MAP3K7CL: variants seen among roughly 807,000 people sequenced by gnomAD.
MAP3K7CL encodes MAP3K7 C-terminal like.
MAP3K7CL carries 16 observed loss-of-function variants against 18.6 expected under a neutral mutation model. That is an observed-to-expected ratio of 0.86 (90% CI 0.58 to 1.31). MAP3K7CL has a LOEUF of 1.31. Among genes scored for constraint, MAP3K7CL ranks in the 50% most tolerant of loss-of-function variants. MAP3K7CL has a pLI of 0.00. For synonymous variants in MAP3K7CL, 65 were observed against 66.8 expected, an observed-to-expected ratio of 0.97 and a Z score of 0.13; for missense variants, 163 against 174.4, an observed-to-expected ratio of 0.93 and a Z score of 0.37.
rs1463039736 is a variant in MAP3K7CL at position 29,121,047 on chromosome 21, C to G, written c.371-28142C>G. 3.5e-5 allele frequency among the ~76,000 whole-genome samples: 2 copies of G among 57,958 alleles called. 1 individual carries two copies. The highest frequency in any genetic ancestry group is 1.8e-3 in the East Asian group (2 of 1,114). 38.0% of individuals were successfully genotyped at this position (57,958 alleles called of 152,430 possible). ...TGCCACTGTACTTCAGCCTGGGCAA[C>G]AGAGTCAGATATATATATATAGTGT... On this transcript the variant is annotated intron_variant, in intron 4 of 6. Transcript: ENST00000286791.
intron 4 of MAP3K7CL, among the ~76,000 whole-genome samples, chr21:29,164,654 T>C (rs1003090063): frequency 2.6e-5 from 4 of 152,240 alleles, no homozygotes; most frequent in African/African-American, 9.6e-5. Context: ...AAACATTTTC[T>C]AGGATTATAA....
At chr21:29,130,343 C>T (rs2832203), upstream of MAP3K7CL, 26,604 of 152,354 alleles carry the variant, frequency 0.17, 2,689 homozygotes, top group South Asian at 0.23. Flanking sequence ...AGGATCCTCG[C>T]TGCTATCATC....
chr21:29,153,133 G>T (rs2087316403), intron 3 of MAP3K7CL, among the ~76,000 whole-genome samples: 1 of 152,214 alleles, frequency 6.6e-6, no homozygotes, highest in South Asian at 2.1e-4. Flanking sequence ...AAAGCCTTGT[G>T]CAAGAATAGC....
intron 4 of MAP3K7CL, among the ~76,000 whole-genome samples, chr21:29,100,785 T>C (rs919630196): frequency 1.5e-5 from 2 of 134,604 alleles, no homozygotes; most frequent in Non-Finnish European, 3.1e-5. Flanking sequence ...CGATCTCGGC[T>C]CACTGCAAGC....
At chr21:29,125,642 G>A (rs1333002922) in intron 4 of MAP3K7CL, among the ~76,000 whole-genome samples, 4 of 152,186 alleles carry the variant, frequency 2.6e-5, no homozygotes, top group Admixed American at 6.5e-5. Context: ...GGGGGAGGTG[G>A]TGTCTTGTTT....
chr21:29,142,628 C>T (rs1339582041), intron 2 of MAP3K7CL, among the ~76,000 whole-genome samples: 1 of 152,210 alleles, frequency 6.6e-6, no homozygotes, highest in Non-Finnish European at 1.5e-5. Flanking sequence ...GCTCCCCTGT[C>T]TCCACATTAC....
At chr21:29,117,735 CTCTT>C (rs2086526000) in intron 4 of MAP3K7CL, among the ~76,000 whole-genome samples, 1 of 152,178 alleles carries the variant, frequency 6.6e-6, no homozygotes, top group Non-Finnish European at 1.5e-5. Flanking sequence ...AAAACATGAT[CTCTT>C]TCTTGTCACT....
In MAP3K7CL at chr21:29,153,366, A is replaced by G. The variant is rs143159739; in HGVS notation, c.132+4116A>G. Among the ~76,000 whole-genome samples the G allele has an allele frequency of 3.5e-3, 530 of 152,282 alleles. 2 individuals are homozygous for G. The highest frequency in any genetic ancestry group is 0.012 in the African/African-American group (478 of 41,554). ...CCCATCAGGGACAGTATTTGAGTAG[A>G]GCTAGTGTAGATGATATAGTCAGAA... On this transcript the variant is annotated intron_variant, in intron 3 of 4. Coordinates refer to ENST00000399928, the MANE Select transcript of MAP3K7CL (RefSeq NM_001286620.2).
intron 4 of MAP3K7CL, among the ~76,000 whole-genome samples, chr21:29,161,576 G>T (rs1414991896): frequency 6.6e-6 from 1 of 151,986 alleles, no homozygotes. Context: ...ATTTCATAAA[G>T]GAATTAAAGA....
At chr21:29,094,862 G>T (rs1441672751) in intron 4 of MAP3K7CL, among the ~76,000 whole-genome samples, 1 of 152,108 alleles carries the variant, frequency 6.6e-6, no homozygotes, top group Non-Finnish European at 1.5e-5. Flanking sequence ...TTCAAGACCA[G>T]CCTGGGCAAT....
At chr21:29,100,536 G>A (rs2146528467) in intron 4 of MAP3K7CL, among the ~76,000 whole-genome samples, 1 of 152,118 alleles carries the variant, frequency 6.6e-6, no homozygotes, top group East Asian at 1.9e-4. Flanking sequence ...GGAAAGTCAT[G>A]TAAATATTCT....
At chr21:29,082,911 G>A (rs1004461625), upstream of MAP3K7CL, among the ~76,000 whole-genome samples, 17 of 151,798 alleles carry the variant, frequency 1.1e-4, no homozygotes, top group African/African-American at 4.1e-4. Flanking sequence ...CTTAAATTAA[G>A]GTGTCATTTT....
chr21:29,139,895 C>CTTTTTT (rs5843369), intron 2 of MAP3K7CL, among the ~76,000 whole-genome samples: 4 of 67,342 alleles, frequency 5.9e-5, no homozygotes, highest in African/African-American at 1.1e-4. Context: ...CCATCTCTGG[C>CTTTTTT]TTTTTTTTTT....
Position 29,149,245 on chromosome 21 carries a change from C to CT in MAP3K7CL, c.128dup (p.Gln44ThrfsTer8). 1.2e-6 allele frequency: 2 copies of CT among 1,613,536 alleles called. No individual in the cohort carries two copies. The highest frequency in any genetic ancestry group is 1.7e-6 in the Non-Finnish European group (2 of 1,179,438). The stretch of plus-strand genomic sequence containing the variant: ...GGTCTTTCCAGAATTAGACCAGCAG[C>CT]TACAGGTAAGGATTTTTCTAAAGTC... On this transcript the variant is annotated frameshift_variant, in exon 3 of 5. Transcript: ENST00000399928. LOFTEE classifies it high-confidence loss of function.
chr21:29,109,498 G>A, intron 4 of MAP3K7CL: 1 of 1,100,994 alleles, frequency 9.1e-7, no homozygotes, highest in South Asian at 3.6e-5. Context: ...AACAGTTGTT[G>A]GCAGAGATAC....
chr21:29,081,515 T>G (rs1372121514), upstream of MAP3K7CL, among the ~76,000 whole-genome samples: 2 of 152,194 alleles, frequency 1.3e-5, no homozygotes, highest in Admixed American at 1.3e-4. Flanking sequence ...ATCGCGCCAC[T>G]GCGCTCCAGC....
At chr21:29,170,017 G>A (rs1193781500) in intron 4 of MAP3K7CL, among the ~76,000 whole-genome samples, 3 of 152,112 alleles carry the variant, frequency 2.0e-5, no homozygotes, top group Admixed American at 6.6e-5. Context: ...TGAAGGAAAC[G>A]ATACAAATAG....
chr21:29,101,865 T>C (rs1341769087), intron 4 of MAP3K7CL, among the ~76,000 whole-genome samples: 2 of 152,244 alleles, frequency 1.3e-5, no homozygotes, highest in East Asian at 3.8e-4. Context: ...TATTAACTAA[T>C]AGTGACTTAC....
At chr21:29,123,696 G>A (rs985863705) in intron 4 of MAP3K7CL, among the ~76,000 whole-genome samples, 12 of 152,192 alleles carry the variant, frequency 7.9e-5, no homozygotes, top group African/African-American at 2.9e-4. Context: ...GATAAAATTG[G>A]AGGTTTGAAT....
Sources: gnomAD v4.1 joint callset for allele counts (sites outside exome capture counted in the v4.1 genomes callset) on GRCh38, gnomAD v4.1.1 for gene constraint, MANE v1.5 for transcripts, NCBI Gene and HGNC (gene_info 2026-07-23, HGNC 2026-07-21) for gene names.